The following SLC28A1 variants were observed in gnomAD, a reference collection of about 807,000 sequenced individuals.
SLC28A1 encodes the protein solute carrier family 28 member 1.
In SLC28A1, 64 loss-of-function variants were observed where a neutral mutation model predicts 74.8. The observed-to-expected ratio is 0.86, with a 90% CI of 0.70 to 1.05. The LOEUF (loss-of-function observed/expected upper bound fraction) is 1.05. Among genes scored for constraint, SLC28A1 ranks in the 50% least tolerant of loss-of-function variants. The pLI, the probability that SLC28A1 is intolerant of heterozygous loss-of-function variation, is 0.00. For synonymous variants in SLC28A1, 359 were observed against 335.0 expected (o/e 1.07, Z -0.78); for missense variants, 828 against 822.8 (o/e 1.01, Z -0.08).
chr15:84,906,112 C>G (rs1967071300), intron 8 of SLC28A1, among the ~76,000 whole-genome samples: 1 of 150,996 alleles, frequency 6.6e-6, no homozygotes, highest in East Asian at 1.9e-4. Flanking sequence ...CTCCACCTCC[C>G]TGGTTCAAGC....
intron 12 of SLC28A1, among the ~76,000 whole-genome samples, chr15:84,931,079 T>C (rs187823860): frequency 6.6e-6 from 1 of 151,996 alleles, no homozygotes; most frequent in Non-Finnish European, 1.5e-5. Context: ...CTAATTTTTG[T>C]ATTCTTAGTA....
the SLC28A1 span, among the ~76,000 whole-genome samples, chr15:84,950,859 A>T: frequency 6.6e-6 from 1 of 152,078 alleles, no homozygotes; most frequent in Non-Finnish European, 1.5e-5. Flanking sequence ...TCAGATAGTA[A>T]ATATTTCAGC....
intron 11 of SLC28A1, among the ~76,000 whole-genome samples, chr15:84,921,294 C>T (rs1033672223): frequency 7.9e-5 from 12 of 152,158 alleles, no homozygotes; most frequent in African/African-American, 2.2e-4. Context: ...TAGCCCTAGG[C>T]GGTCTTCATC....
chr15:84,918,144 A>C (rs1193850098), intron 9 of SLC28A1, among the ~76,000 whole-genome samples: 1 of 152,140 alleles, frequency 6.6e-6, no homozygotes, highest in Non-Finnish European at 1.5e-5. Context: ...AGAAGGGTGC[A>C]CACTGCCACC....
At chr15:84,928,692 C>T (rs1244010874) in intron 12 of SLC28A1, among the ~76,000 whole-genome samples, 4 of 148,970 alleles carry the variant, frequency 2.7e-5, no homozygotes, top group Non-Finnish European at 5.9e-5. Context: ...GGCTCAATCT[C>T]GGCTCACTAC....
At chr15:84,894,093 C>T (rs909231410) in intron 5 of SLC28A1, among the ~76,000 whole-genome samples, 4 of 152,238 alleles carry the variant, frequency 2.6e-5, no homozygotes, top group East Asian at 1.9e-4. Context: ...AGGGAGAGGC[C>T]GGGCGCGGTG....
rs750743489 is a variant in SLC28A1 at position 84,935,146 on chromosome 15, C to A, written c.1335C>A (p.Ala445=). 6.2e-7 allele frequency: 1 copy of A among 1,614,012 alleles called. No homozygotes were observed. Among genetic ancestry groups the A allele is most frequent in the Non-Finnish European group, 8.5e-7 (1 of 1,179,910 alleles). Residue 445 remains alanine, a synonymous_variant, in exon 14 of 19, where the codon GCC becomes GCA. Transcript: ENST00000394573. The stretch of plus-strand genomic sequence containing the variant: ...CTGTGCTGGACTTTATCAATGCTGC[C>A]CTCTCCTGGCTGGGAGACATGGTGG... ...FLAVLDFINA[A]LSWLGDMVDI...
chr15:84,924,212 C>G, intron 12 of SLC28A1, 102 bp downstream of exon 12: 2 of 1,343,858 alleles, frequency 1.5e-6, no homozygotes, highest in Non-Finnish European at 2.1e-6. Context: ...CAGATCTTCT[C>G]TCTTGGGCCT....
rs28649017 is a variant in SLC28A1, at chr15:84,895,760, A to G, written c.461+637A>G. On this transcript the variant is annotated intron_variant, in intron 6 of 18. Coordinates refer to ENST00000394573, the MANE Select transcript of SLC28A1 (RefSeq NM_004213.5). ...CACAAAAAAGAAAATTCGCTGGGGG[A>G]AAAAAACAGTTTCTATGGCTTAAAA... 4.3e-3 allele frequency: 4,261 copies of G among 996,448 alleles called. 101 individuals carry two copies. The African/African-American group carries it at 0.069, about 16-fold the overall frequency. 61.7% of individuals were successfully genotyped at this position (996,448 alleles called of 1,614,324 possible). A position where few individuals can be genotyped will look rare whatever the true frequency, so the allele number is the denominator to read the frequency against.
At chr15:84,915,776 C>T (rs1968994768) in intron 9 of SLC28A1, among the ~76,000 whole-genome samples, 1 of 152,158 alleles carries the variant, frequency 6.6e-6, no homozygotes, top group African/African-American at 2.4e-5. Flanking sequence ...TGGCCGTCCT[C>T]CAGCCCTTGG....
chr15:84,973,111 T>C, the SLC28A1 span, among the ~76,000 whole-genome samples: 4,353 of 152,252 alleles, frequency 0.029, 212 homozygotes, highest in African/African-American at 0.098. Flanking sequence ...TTTTTCCACT[T>C]AGCCCCTTGT....
At chr15:84,943,638 G>A in intron 16 of SLC28A1, 112 bp downstream of exon 16, 1 of 826,302 alleles carries the variant, frequency 1.2e-6, no homozygotes, top group Non-Finnish European at 2.1e-6. Context: ...CAAACAAGAT[G>A]GCCATAGAGG....
chr15:84,921,190 G>A (rs1969791343), intron 11 of SLC28A1, 121 bp downstream of exon 11: 2 of 781,606 alleles, frequency 2.6e-6, no homozygotes, highest in Non-Finnish European at 4.4e-6. Flanking sequence ...TTCTCCCAGG[G>A]TCATCAAATT....
chr15:84,947,263 G>C (rs1156878134), downstream of SLC28A1, among the ~76,000 whole-genome samples: 1 of 152,190 alleles, frequency 6.6e-6, no homozygotes, highest in Non-Finnish European at 1.5e-5. Flanking sequence ...ACCTGCTCCA[G>C]CTGCCCTTGG....
At position 84,904,169 on chromosome 15, in the gene SLC28A1, AC is replaced by A; in HGVS notation, c.535del (p.Leu179TrpfsTer64). On this transcript the variant is annotated frameshift_variant, in exon 7 of 19. Coordinates refer to ENST00000394573, the MANE Select transcript of SLC28A1 (RefSeq NM_004213.5). LOFTEE classifies it high-confidence loss of function. ...SLDTSQRPEQ[L>X]VSFAGICVFV... ...TGGACACCTCCCAGCGGCCTGAGCAACTGGTGTCCTTCGCAGGAATCTGCGT... is the reference window on the plus strand; with the variant it reads ...TGGACACCTCCCAGCGGCCTGAGCAATGGTGTCCTTCGCAGGAATCTGCGT... The A allele has an allele frequency of 6.2e-7, 1 of 1,614,226 alleles. No individual in the cohort carries two copies.
chr15:84,887,656 C>A lies in SLC28A1; in HGVS notation c.-16-89C>A, dbSNP rs1964749364. The A allele has an allele frequency of 9.0e-6, 14 of 1,562,714 alleles. No homozygotes were observed. The South Asian group carries it at 1.4e-4, about 15-fold the overall frequency. On this transcript the variant is annotated intron_variant, in intron 2 of 18. Coordinates refer to ENST00000394573, the MANE Select transcript of SLC28A1 (RefSeq NM_004213.5). ...CTGTGCCAGGCATCTGCTCCCCCCA[C>A]TCAGTCCTCTCCCCTTTCCCCGGGC...
intron 5 of SLC28A1, 79 bp downstream of exon 5, chr15:84,890,613 C>T (rs1199967344): frequency 1.8e-6 from 2 of 1,132,766 alleles, no homozygotes; most frequent in African/African-American, 1.5e-5. Context: ...GGGTCATTCA[C>T]TCACCCAGTC....
At chr15:84,936,226 A>G (rs1567182981) in intron 15 of SLC28A1, among the ~76,000 whole-genome samples, 1 of 148,494 alleles carries the variant, frequency 6.7e-6, no homozygotes, top group Non-Finnish European at 1.5e-5. Context: ...TACAAGCGTG[A>G]GCCACTGCGC....
intron 1 of SLC28A1, chr15:84,886,317 C>G: frequency 1.0e-6 from 1 of 982,120 alleles, no homozygotes; most frequent in Non-Finnish European, 1.2e-6. Context: ...GAGAAAGATG[C>G]AAAATGAAAG....
Sources: allele counts gnomAD v4.1 joint callset (sites outside exome capture counted in the v4.1 genomes callset), GRCh38; gene constraint gnomAD v4.1.1; transcripts MANE v1.5; gene names NCBI Gene and HGNC (gene_info 2026-07-23, HGNC 2026-07-21).